GPHN: variants seen among roughly 807,000 people sequenced by gnomAD.
GPHN encodes the protein gephyrin.
In GPHN, 17 loss-of-function variants were observed where a neutral mutation model predicts 95.5. The observed-to-expected ratio is 0.18, with a 90% CI of 0.12 to 0.27. The LOEUF is 0.27. Among genes scored for constraint, GPHN ranks in the 10% least tolerant of loss-of-function variants. GPHN has a pLI of 1.00. For missense variants in GPHN, 660 were observed against 978.1 expected (o/e 0.67, Z 4.34); for synonymous variants, 320 against 322.5 (o/e 0.99, Z 0.08).
At chr14:67,055,999 G>T (rs139801638) in intron 10 of GPHN, among the ~76,000 whole-genome samples, 1 of 152,192 alleles carries the variant, frequency 6.6e-6, no homozygotes, top group African/African-American at 2.4e-5. Flanking sequence ...GACCTTCACC[G>T]TGAGTGTTAC....
At chr14:66,583,287 C>A (rs987253041) in intron 1 of GPHN, among the ~76,000 whole-genome samples, 2 of 152,004 alleles carry the variant, frequency 1.3e-5, no homozygotes, top group African/African-American at 4.8e-5. Context: ...GGATATTAAC[C>A]CTTTGTCAGA....
chr14:66,858,983 C>T (rs1020907528), intron 4 of GPHN, among the ~76,000 whole-genome samples: 5 of 152,032 alleles, frequency 3.3e-5, no homozygotes, highest in African/African-American at 7.2e-5. Flanking sequence ...AACTCAGCTT[C>T]AGTAAAATAG....
At chr14:67,126,240 A>T (rs1595264417) in intron 17 of GPHN, among the ~76,000 whole-genome samples, 1 of 152,312 alleles carries the variant, frequency 6.6e-6, no homozygotes, top group South Asian at 2.1e-4. Context: ...AAACCCAGAG[A>T]TATTAAGTAA....
chr14:67,674,535 G>C, the GPHN span: 3 of 1,516,146 alleles, frequency 2.0e-6, no homozygotes, highest in South Asian at 3.6e-5. Flanking sequence ...TCGGGGCCCT[G>C]GGCCCTTTCC....
the GPHN span, chr14:67,382,781 AG>A: frequency 8.4e-6 from 5 of 597,238 alleles, no homozygotes; most frequent in Non-Finnish European, 1.4e-5. Flanking sequence ...ATAAATGAGA[AG>A]TTTTTTTATG....
intron 10 of GPHN, among the ~76,000 whole-genome samples, chr14:67,046,231 C>T (rs768171234): frequency 6.6e-5 from 10 of 152,200 alleles, no homozygotes; most frequent in East Asian, 1.9e-4. Context: ...GGGAGCTCTT[C>T]AATCTTGTTC....
At chr14:67,318,944 G>C in the GPHN span, among the ~76,000 whole-genome samples, 2 of 152,068 alleles carry the variant, frequency 1.3e-5, no homozygotes, top group East Asian at 1.9e-4. Context: ...TGTAGTCCCA[G>C]CTATTCGGGA....
intron 1 of GPHN, among the ~76,000 whole-genome samples, chr14:66,600,784 A>T (rs1401042660): frequency 6.6e-6 from 1 of 152,112 alleles, no homozygotes; most frequent in Non-Finnish European, 1.5e-5. Flanking sequence ...TGTGAAAAGA[A>T]TAATCCTTTA....
intron 19 of GPHN, among the ~76,000 whole-genome samples, chr14:67,160,361 A>G (rs968825824): frequency 6.6e-6 from 1 of 152,034 alleles, no homozygotes; most frequent in African/African-American, 2.4e-5. Flanking sequence ...AGAATGTTTC[A>G]TTAAGTAGGC....
chr14:66,979,209 C>G (rs1009352991), intron 9 of GPHN, among the ~76,000 whole-genome samples: 47 of 152,164 alleles, frequency 3.1e-4, no homozygotes, highest in African/African-American at 1.1e-3. Context: ...TATTCCCTAC[C>G]AAGATAGTCA....
chr14:66,946,203 G>A (rs2067739975), intron 8 of GPHN, among the ~76,000 whole-genome samples: 1 of 152,084 alleles, frequency 6.6e-6, no homozygotes, highest in Admixed American at 6.6e-5. Context: ...GTTAAGAAGT[G>A]AGGAACTTTT....
chr14:67,446,107 T>A, the GPHN span: 1 of 498,760 alleles, frequency 2.0e-6, no homozygotes, highest in Admixed American at 2.2e-5. Context: ...GCAGATCCTC[T>A]GGGAGGATGT....
At chr14:67,405,281 G>A in the GPHN span, among the ~76,000 whole-genome samples, 1 of 149,814 alleles carries the variant, frequency 6.7e-6, no homozygotes, top group Admixed American at 6.7e-5. Flanking sequence ...ATTTCCTTGA[G>A]TACTGTTTTA....
the GPHN span, among the ~76,000 whole-genome samples, chr14:67,679,553 G>C: frequency 4.6e-5 from 7 of 152,104 alleles, no homozygotes; most frequent in Non-Finnish European, 1.0e-4. Context: ...ATAGGCGCCT[G>C]CCACCATGAC....
the GPHN span, among the ~76,000 whole-genome samples, chr14:67,258,757 C>G: frequency 6.6e-6 from 1 of 151,960 alleles, no homozygotes; most frequent in African/African-American, 2.4e-5. Flanking sequence ...TCCTTAATAA[C>G]AAAGTAATAG....
the GPHN span, among the ~76,000 whole-genome samples, chr14:67,669,815 T>C: frequency 3.9e-5 from 6 of 152,302 alleles, no homozygotes; most frequent in South Asian, 1.0e-3. Flanking sequence ...AAACCAACTC[T>C]TGGGCCGGGA....
chr14:67,732,815 A>G, the GPHN span, among the ~76,000 whole-genome samples: 1 of 152,166 alleles, frequency 6.6e-6, no homozygotes, highest in Non-Finnish European at 1.5e-5. Flanking sequence ...TCCTGACCTC[A>G]GGTGATCCAC....
intron 1 of GPHN, among the ~76,000 whole-genome samples, chr14:66,606,336 G>T (rs2062533637): frequency 6.6e-6 from 1 of 152,030 alleles, no homozygotes; most frequent in Admixed American, 6.6e-5. Flanking sequence ...TCTTTGTTCT[G>T]TTCCATTGGT....
intron 17 of GPHN, among the ~76,000 whole-genome samples, chr14:67,138,254 T>C (rs1463581338): frequency 6.6e-6 from 1 of 152,166 alleles, no homozygotes; most frequent in Non-Finnish European, 1.5e-5. Context: ...GGTGTGAAAA[T>C]GTATTTTTTA....
Sources: gnomAD v4.1 joint callset for allele counts (sites outside exome capture counted in the v4.1 genomes callset) on GRCh38, gnomAD v4.1.1 for gene constraint, MANE v1.5 for transcripts, NCBI Gene and HGNC (gene_info 2026-07-23, HGNC 2026-07-21) for gene names.